AOAH: variants seen among roughly 807,000 people sequenced by gnomAD.
AOAH encodes the protein acyloxyacyl hydrolase.
A neutral mutation model predicts 92.2 loss-of-function variants in AOAH; 64 were observed. The ratio of observed to expected loss-of-function variants is 0.69; its 90% CI spans 0.57 to 0.86. The LOEUF (loss-of-function observed/expected upper bound fraction) is 0.86. AOAH is among the 40% of genes least tolerant of loss of function. The pLI, the probability that AOAH is intolerant of heterozygous loss-of-function variation, is 0.00. For synonymous variants in AOAH, 263 were observed against 254.5 expected, an observed-to-expected ratio of 1.03 and a Z score of -0.32; for missense variants, 656 against 694.6, an observed-to-expected ratio of 0.94 and a Z score of 0.62.
chr7:36,654,977 GC>G (rs1794790490), intron 4 of AOAH, among the ~76,000 whole-genome samples: 1 of 152,174 alleles, frequency 6.6e-6, no homozygotes, highest in African/African-American at 2.4e-5. Context: ...ATGAGATCAC[GC>G]ACGTTAAGTG....
intron 6 of AOAH, among the ~76,000 whole-genome samples, chr7:36,630,916 T>C (rs1793027558): frequency 6.6e-6 from 1 of 152,148 alleles, no homozygotes; most frequent in South Asian, 2.1e-4. Context: ...CTCTGTGAAA[T>C]GGGAATAATA....
rs761453663 is a variant in AOAH, at chr7:36,724,152, C to T, written c.-4G>A. The T allele has an allele frequency of 4.6e-5, 74 of 1,612,564 alleles. 1 individual carries two copies. The highest frequency in any genetic ancestry group is 2.0e-4 in the South Asian group (18 of 91,018). On this transcript the variant is annotated 5_prime_UTR_variant, in exon 1 of 21. Coordinates refer to ENST00000617537, the MANE Select transcript of AOAH (RefSeq NM_001637.4). ...GGATTTTCCAGGGGGACTGCATCTC[C>T]GAGCTATGCACCCCAAGTGATCACC...
At chr7:36,647,712 G>A (rs976822192) in intron 4 of AOAH, among the ~76,000 whole-genome samples, 1 of 152,150 alleles carries the variant, frequency 6.6e-6, no homozygotes, top group Non-Finnish European at 1.5e-5. Flanking sequence ...CCAAATATGG[G>A]TGTTAACAAA....
Position 36,723,874 on chromosome 7 carries a change from C to T in AOAH, c.127+148G>A, listed in dbSNP as rs1179897203. On this transcript the variant is annotated intron_variant, in intron 1 of 20. Transcript: ENST00000617537. ...TGTCAATGTCTACTCTTAGACTCCA[C>T]ATTTCTCTGTGTCAGTGAGGTTACT... 38 of 805,158 alleles carry T rather than the reference C, an allele frequency of 4.7e-5. No homozygotes were observed. The Admixed American group carries it at 1.1e-3, about 24-fold the overall frequency. 49.9% of individuals were successfully genotyped at this position (805,158 alleles called of 1,614,324 possible). A position where few individuals can be genotyped will look rare whatever the true frequency, so the allele number is the denominator to read the frequency against.
intron 1 of AOAH, among the ~76,000 whole-genome samples, chr7:36,705,896 C>A (rs1798370201): frequency 6.6e-6 from 1 of 152,124 alleles, no homozygotes; most frequent in South Asian, 2.1e-4. Context: ...CTGACAAGAA[C>A]AAGCAATGAG....
chr7:36,513,360 C>A lies in AOAH; in HGVS notation c.1620G>T (p.Ala540=). 6.2e-7 allele frequency: 1 copy of A among 1,613,928 alleles called. No homozygotes were observed. Among genetic ancestry groups the A allele is most frequent in the Non-Finnish European group, 8.5e-7 (1 of 1,179,900 alleles). The change falls in exon 21 of 21, where the codon GCG becomes GCT. Residue 540 remains alanine (A), a synonymous_variant. Coordinates refer to ENST00000617537, the MANE Select transcript of AOAH (RefSeq NM_001637.4). ...GCTGCACCTTTTTCCAGAAATGATC[C>A]GCCAACAACAGCAAAGCCACCTGTG... ...HPNEVALLLL[A]DHFWKKVQLQ...
intron 13 of AOAH, among the ~76,000 whole-genome samples, chr7:36,555,729 A>G (rs1317203189): frequency 6.6e-6 from 1 of 152,152 alleles, no homozygotes; most frequent in Non-Finnish European, 1.5e-5. Context: ...CGTATGTGTC[A>G]AGGAATTTAT....
At chr7:36,668,488 G>C (rs1302310261) in intron 3 of AOAH, among the ~76,000 whole-genome samples, 3 of 152,092 alleles carry the variant, frequency 2.0e-5, no homozygotes, top group Admixed American at 6.6e-5. Context: ...TTCTTTTGTT[G>C]TTTGTTTGAT....
At chr7:36,580,942 T>C (rs1229890045) in intron 12 of AOAH, among the ~76,000 whole-genome samples, 1 of 152,194 alleles carries the variant, frequency 6.6e-6, no homozygotes, top group East Asian at 1.9e-4. Flanking sequence ...ATTCATGTGT[T>C]TCCGTAGGAT....
chr7:36,686,826 G>A, intron 1 of AOAH, 32 bp from the exon 2 acceptor site: 1 of 1,432,684 alleles, frequency 7.0e-7, no homozygotes, highest in Non-Finnish European at 9.4e-7. Flanking sequence ...TGTAATCTGT[G>A]TCACACAGAA....
intron 13 of AOAH, among the ~76,000 whole-genome samples, chr7:36,573,484 G>A (rs752251348): frequency 1.3e-5 from 2 of 152,174 alleles, no homozygotes; most frequent in Non-Finnish European, 2.9e-5. Flanking sequence ...TTGGGAGGCC[G>A]AGGCTGGTGG....
intron 4 of AOAH, among the ~76,000 whole-genome samples, chr7:36,640,129 G>A (rs1010651580): frequency 2.0e-5 from 3 of 152,142 alleles, no homozygotes; most frequent in Non-Finnish European, 2.9e-5. Flanking sequence ...GCAGCAGGAA[G>A]CCAGGGCCGG....
chr7:36,576,434 A>G, intron 13 of AOAH, 140 bp downstream of exon 13: 2 of 543,732 alleles, frequency 3.7e-6, no homozygotes, highest in East Asian at 6.2e-5. Context: ...TTCTTTCAGA[A>G]AGGGCAATGG....
intron 1 of AOAH, among the ~76,000 whole-genome samples, chr7:36,707,560 A>G (rs1363888480): frequency 6.6e-6 from 1 of 152,176 alleles, no homozygotes; most frequent in Non-Finnish European, 1.5e-5. Flanking sequence ...AAAAAATGCA[A>G]TATCTGCAAA....
chr7:36,704,790 C>G (rs561305906), intron 1 of AOAH, among the ~76,000 whole-genome samples: 1 of 152,282 alleles, frequency 6.6e-6, no homozygotes, highest in East Asian at 1.9e-4. Flanking sequence ...AAAAGCTTAT[C>G]CACTATGAGC....
intron 2 of AOAH, among the ~76,000 whole-genome samples, chr7:36,681,674 G>A (rs1207612264): frequency 6.6e-6 from 1 of 152,110 alleles, no homozygotes; most frequent in Non-Finnish European, 1.5e-5. Context: ...GCATCCTGAT[G>A]GGTATAATCC....
At chr7:36,579,243 T>C (rs1788744956) in intron 12 of AOAH, among the ~76,000 whole-genome samples, 2 of 151,850 alleles carry the variant, frequency 1.3e-5, no homozygotes, top group Non-Finnish European at 2.9e-5. Flanking sequence ...ATCATGTGAG[T>C]GAAGCCATCT....
At position 36,676,421 on chromosome 7, in the gene AOAH, A is replaced by G. The variant is rs1028871642; in HGVS notation, c.224-2412T>C. Among the ~76,000 whole-genome samples the G allele has an allele frequency of 3.3e-5, 5 of 152,224 alleles. No individual in the cohort carries two copies. In the East Asian group the frequency reaches 9.6e-4, roughly 29 times the overall value. On this transcript the variant is annotated intron_variant, in intron 2 of 20. Coordinates refer to ENST00000617537, the MANE Select transcript of AOAH (RefSeq NM_001637.4). ...CTTAACCAAAAAAAGTGCAAAATAT[A>G]TACTCTGAAAACTACATTGTTAAAA...
At chr7:36,697,167 A>T (rs1421248372) in intron 1 of AOAH, among the ~76,000 whole-genome samples, 2 of 152,186 alleles carry the variant, frequency 1.3e-5, no homozygotes, top group Admixed American at 6.5e-5. Context: ...ACAAAAAGTC[A>T]CAAGTAGGGT....
Sources: allele counts gnomAD v4.1 joint callset (sites outside exome capture counted in the v4.1 genomes callset), GRCh38; gene constraint gnomAD v4.1.1; transcripts MANE v1.5; gene names NCBI Gene and HGNC (gene_info 2026-07-23, HGNC 2026-07-21).